The following ECHDC3 variants were observed in gnomAD, a reference collection of about 807,000 sequenced individuals.
ECHDC3 encodes the protein enoyl-CoA hydratase domain-containing protein 3, mitochondrial.
In ECHDC3, 20 loss-of-function variants were observed where a neutral mutation model predicts 17.9. The observed-to-expected ratio is 1.12, with a 90% CI of 0.79 to 1.63. The LOEUF is 1.63. Among genes scored for constraint, ECHDC3 ranks in the 40% most tolerant of loss-of-function variants. The pLI is 0.00. For missense variants in ECHDC3, 407 were observed against 357.7 expected, an observed-to-expected ratio of 1.14 and a Z score of -1.11; for synonymous variants, 177 against 149.7, an observed-to-expected ratio of 1.18 and a Z score of -1.33.
Position 11,763,178 on chromosome 10 carries a change from C to A in ECHDC3, c.592-46C>A. The A allele has an allele frequency of 2.9e-6, 2 of 701,116 alleles. No individual in the cohort carries two copies. Among genetic ancestry groups the A allele is most frequent in the Non-Finnish European group, 2.6e-6 (1 of 379,680 alleles). 43.4% of individuals were successfully genotyped at this position (701,116 alleles called of 1,614,324 possible). A position where few individuals can be genotyped will look rare whatever the true frequency, so the allele number is the denominator to read the frequency against. ...CGAGGCGGGACTCAGGTGGCGGGGG[C>A]GGGTCACAGGAGAGCACCTCAGTGA... is the stretch of plus-strand genomic sequence containing the variant. On this transcript the variant is annotated intron_variant, in intron 4 of 4. Coordinates refer to ENST00000379215, the MANE Select transcript of ECHDC3 (RefSeq NM_024693.5). The surrounding 1 kb of genome is among the most constrained non-coding windows in gnomAD (Gnocchi z 4.9).
intron 4 of ECHDC3, among the ~76,000 whole-genome samples, chr10:11,757,533 C>G (rs1832897064): frequency 6.6e-6 from 1 of 152,130 alleles, no homozygotes; most frequent in Non-Finnish European, 1.5e-5. Context: ...TCCAGACAGC[C>G]CTACTCAGGT....
chr10:11,745,669 G>A (rs1426002220), intron 1 of ECHDC3, among the ~76,000 whole-genome samples: 1 of 152,220 alleles, frequency 6.6e-6, no homozygotes, highest in African/African-American at 2.4e-5. Flanking sequence ...ATCCAAGTTG[G>A]CTGTACCGCG....
chr10:11,755,744 T>C, intron 4 of ECHDC3, 136 bp downstream of exon 4: 2 of 820,266 alleles, frequency 2.4e-6, no homozygotes, highest in Non-Finnish European at 3.8e-6. Flanking sequence ...TGCCTCTGGC[T>C]AGATGGGCCA....
Position 11,763,645 on chromosome 10 carries a change from C to T in ECHDC3, c.*101C>T. 20 of 1,433,660 alleles carry T rather than the reference C, an allele frequency of 1.4e-5. No individual in the cohort carries two copies. Among genetic ancestry groups the T allele is most frequent in the Non-Finnish European group, 1.7e-5 (19 of 1,097,826 alleles). The allele number at this position is 1,433,660 out of a possible 1,614,324, so 88.8% of individuals were successfully genotyped here. On this transcript the variant is annotated 3_prime_UTR_variant, in exon 5 of 5. Coordinates refer to ENST00000379215, the MANE Select transcript of ECHDC3 (RefSeq NM_024693.5). The surrounding 1 kb of genome is among the most constrained non-coding windows in gnomAD (Gnocchi z 4.9). ...CTCAGCTTCAACAGGTGACAGGCTG[C>T]TTTCGTGACTTGATATTGGTGTCAT...
intron 1 of ECHDC3, among the ~76,000 whole-genome samples, chr10:11,744,683 T>A (rs929452982): frequency 7.9e-5 from 12 of 152,094 alleles, no homozygotes; most frequent in African/African-American, 2.9e-4. Flanking sequence ...TGAAGAGATT[T>A]TTTTAGGAGG....
Position 11,763,400 on chromosome 10 carries a change from C to T in ECHDC3, c.768C>T (p.Tyr256=), listed in dbSNP as rs117706607. Residue 256 remains tyrosine, a synonymous_variant, in exon 5 of 5, where the codon TAC becomes TAT. Coordinates refer to ENST00000379215, the MANE Select transcript of ECHDC3 (RefSeq NM_024693.5). The surrounding 1 kb of genome is among the most constrained non-coding windows in gnomAD (Gnocchi z 4.9). ...TGTCCCTGGGCAAAGCCACCTTCTA[C>T]AAGCAGCTGCCCCAGGACCTGGGGA... is the stretch of plus-strand genomic sequence containing the variant. ...PVVSLGKATF[Y]KQLPQDLGTA... is the part of the protein sequence containing the mutation. 0.012 allele frequency: 9,053 copies of T among 785,380 alleles called. 85 individuals are homozygous for T. Among genetic ancestry groups the T allele is most frequent in the Middle Eastern group, 0.029 (131 of 4,458 alleles). The allele number at this position is 785,380 out of a possible 1,614,324, so 48.7% of individuals were successfully genotyped here.
rs201032202 is a variant in ECHDC3, at chr10:11,763,419, C to G, written c.787C>G (p.Leu263Val). The G allele has an allele frequency of 1.2e-6, 1 of 800,978 alleles. No individual in the cohort carries two copies. Among genetic ancestry groups the G allele is most frequent in the East Asian group, 2.4e-5 (1 of 41,364 alleles). The allele number at this position is 800,978 out of a possible 1,614,324, so 49.6% of individuals were successfully genotyped here. ...ATFYKQLPQD[L>V]GTAYYLTSQA... is the part of the protein sequence containing the mutation. ...CTTCTACAAGCAGCTGCCCCAGGAC[C>G]TGGGGACGGCTTACTACCTCACCTC... Residue 263 changes from leucine to valine, a missense_variant, in exon 5 of 5, where the codon CTG becomes GTG. Coordinates refer to ENST00000379215, the MANE Select transcript of ECHDC3 (RefSeq NM_024693.5). This position sits in a 1 kb window ranked among gnomAD's most constrained non-coding sequence, Gnocchi z 4.9.
Position 11,763,956 on chromosome 10 carries a change from A to T in ECHDC3, c.*412A>T. 1.0e-6 allele frequency: 1 copy of T among 995,038 alleles called. No individual in the cohort carries two copies. Among genetic ancestry groups the T allele is most frequent in the South Asian group, 4.6e-5 (1 of 21,640 alleles). The allele number at this position is 995,038 out of a possible 1,614,324, so 61.6% of individuals were successfully genotyped here. A position where few individuals can be genotyped will look rare whatever the true frequency, so the allele number is the denominator to read the frequency against. ...TGCTCAGGAGAGGCGACACATTTCAAATCTCCACGAGATATTCTCCACACA... is the reference window on the plus strand; with the variant it reads ...TGCTCAGGAGAGGCGACACATTTCATATCTCCACGAGATATTCTCCACACA... On this transcript the variant is annotated 3_prime_UTR_variant, in exon 5 of 5. Coordinates refer to ENST00000379215, the MANE Select transcript of ECHDC3 (RefSeq NM_024693.5). This position sits in a 1 kb window ranked among gnomAD's most constrained non-coding sequence, Gnocchi z 4.9.
chr10:11,759,377 A>AC (rs1832920204), intron 4 of ECHDC3, among the ~76,000 whole-genome samples: 1 of 88,388 alleles, frequency 1.1e-5, no homozygotes, highest in African/African-American at 3.4e-5. Flanking sequence ...AAAACAAAAA[A>AC]AAAAAACACG....
At chr10:11,753,771 C>CTTTTTATTTTTA (rs10638079) in intron 3 of ECHDC3, among the ~76,000 whole-genome samples, 2 of 149,898 alleles carry the variant, frequency 1.3e-5, no homozygotes, top group Non-Finnish European at 3.0e-5. Flanking sequence ...CATTCTTCTT[C>CTTTTTATTTTTA]TTTTTATTTT....
intron 1 of ECHDC3, among the ~76,000 whole-genome samples, chr10:11,744,185 T>C (rs890435037): frequency 2.0e-5 from 3 of 152,188 alleles, no homozygotes; most frequent in Non-Finnish European, 4.4e-5. Flanking sequence ...ATGCCCACTT[T>C]ACTGTGAGGA....
chr10:11,747,109 A>G (rs1832769432), intron 1 of ECHDC3, among the ~76,000 whole-genome samples: 1 of 152,180 alleles, frequency 6.6e-6, no homozygotes. Context: ...AACATGGAGA[A>G]AAAGAGAAAC....
intron 2 of ECHDC3, among the ~76,000 whole-genome samples, chr10:11,748,366 A>G (rs563853888): frequency 1.3e-5 from 2 of 152,164 alleles, no homozygotes; most frequent in South Asian, 2.1e-4. Context: ...AGCTGGGACT[A>G]TAGGTGTGTG....
intron 4 of ECHDC3, among the ~76,000 whole-genome samples, chr10:11,759,173 GCGAAAC>G (rs1832917330): frequency 6.6e-6 from 1 of 152,108 alleles, no homozygotes; most frequent in Non-Finnish European, 1.5e-5. Context: ...GGCCAACATG[GCGAAAC>G]CTCGTCTCTA....
intron 3 of ECHDC3, among the ~76,000 whole-genome samples, chr10:11,750,660 G>A (rs1832813276): frequency 6.6e-6 from 1 of 152,106 alleles, no homozygotes; most frequent in Non-Finnish European, 1.5e-5. Context: ...AGACATTGAG[G>A]GAAACATAAG....
chr10:11,755,859 T>G, intron 4 of ECHDC3: 1 of 475,688 alleles, frequency 2.1e-6, no homozygotes, highest in South Asian at 3.1e-5. Context: ...ATTTCCATCA[T>G]GCGTACCCTC....
Position 11,742,464 on chromosome 10 carries a change from C to A in ECHDC3, c.-113C>A. 9.3e-7 allele frequency: 1 copy of A among 1,074,696 alleles called. No homozygotes were observed. The highest frequency in any genetic ancestry group is 1.2e-6 in the Non-Finnish European group (1 of 848,116). 66.6% of individuals were successfully genotyped at this position (1,074,696 alleles called of 1,614,324 possible). ...GTTCCGTCCGGGTCTCGGCCACCGT[C>A]GAGTTCCGTCGAGTTCCGTCCCGGC... On this transcript the variant is annotated 5_prime_UTR_variant, in exon 1 of 5. Coordinates refer to ENST00000379215, the MANE Select transcript of ECHDC3 (RefSeq NM_024693.5).
intron 4 of ECHDC3, 168 bp downstream of exon 4, chr10:11,755,776 G>A (rs1832880758): frequency 1.6e-6 from 1 of 617,614 alleles, no homozygotes; most frequent in East Asian, 3.0e-5. Context: ...CTAATGGCAG[G>A]GAGGGAAGAG....
Position 11,750,357 on chromosome 10 carries a change from TA to T in ECHDC3, c.390+767del, listed in dbSNP as rs1315850769. Among the ~76,000 whole-genome samples the T allele has an allele frequency of 5.9e-5, 9 of 152,276 alleles. No homozygotes were observed. In the East Asian group the frequency reaches 1.2e-3, roughly 20 times the overall value. ...AGAACATTAATAAATGGAATAACAA[TA>T]ATGGTTTTTAAAATTATTTTTGAAT... On this transcript the variant is annotated intron_variant, in intron 3 of 4. Transcript: ENST00000379215.
Sources: allele counts gnomAD v4.1 joint callset (sites outside exome capture counted in the v4.1 genomes callset), GRCh38; gene constraint gnomAD v4.1.1; non-coding constraint Gnocchi (gnomAD v3.1); transcripts MANE v1.5; gene names NCBI Gene and HGNC (gene_info 2026-07-23, HGNC 2026-07-21).